Variants in YTHDF1 observed in about 807,000 individuals in gnomAD.
YTHDF1 encodes the protein YTH domain-containing family protein 1.
A neutral mutation model predicts 49.1 loss-of-function variants in YTHDF1; 16 were observed. The observed-to-expected ratio is 0.33, with a 90% CI of 0.22 to 0.49. The LOEUF is 0.49. YTHDF1 is among the 20% of genes least tolerant of loss of function. The pLI, the probability that YTHDF1 is intolerant of heterozygous loss-of-function variation, is 0.99. For synonymous variants in YTHDF1, 313 were observed against 290.1 expected, an observed-to-expected ratio of 1.08 and a Z score of -0.80; for missense variants, 621 against 744.3, an observed-to-expected ratio of 0.83 and a Z score of 1.93.
chr20:63,198,278 C>CA (rs766455995), intron 4 of YTHDF1, among the ~76,000 whole-genome samples: 1,450 of 121,784 alleles, frequency 0.012, 9 homozygotes, highest in Middle Eastern at 0.02. Context: ...ACTAAAAATA[C>CA]AAAAAAAAAA....
chr20:63,203,629 A>G lies in YTHDF1; in HGVS notation c.311T>C (p.Val104Ala). The G allele has an allele frequency of 6.2e-7, 1 of 1,614,092 alleles. No individual in the cohort carries two copies. Among genetic ancestry groups the G allele is most frequent in the Non-Finnish European group, 8.5e-7 (1 of 1,180,024 alleles). Residue 104 changes from valine (V) to alanine (A), a missense_variant, in exon 4 of 5, where the codon GTT becomes GCT. By Grantham distance (64) the Val-to-Ala change is moderately conservative. Coordinates refer to ENST00000370339, the MANE Select transcript of YTHDF1 (RefSeq NM_017798.4). The surrounding 1 kb of genome is among the most constrained non-coding windows in gnomAD (Gnocchi z 4.4). ...NGDHHFMHDA[V>A]FGQPGGLGNN... ...CCCCAGGCCCCCAGGCTGCCCAAAA[A>G]CAGCATCGTGCATAAAATGATGGTC...
chr20:63,196,772 CCA>C lies in YTHDF1; in HGVS notation c.1654-40_1654-39del, dbSNP rs764100436. ...AAAACAAAAGTTGAACGCAGAGTAA[CCA>C]CACCAATGAATCCCTCCCAAAAGTG... On this transcript the variant is annotated intron_variant, in intron 4 of 4. Coordinates refer to ENST00000370339, the MANE Select transcript of YTHDF1 (RefSeq NM_017798.4). 9.9e-6 allele frequency: 16 copies of C among 1,612,632 alleles called. No homozygotes were observed. The Admixed American group carries it at 2.7e-4, about 27-fold the overall frequency.
At chr20:63,211,960 TACACACACACACAC>T (rs57357558) in intron 3 of YTHDF1, among the ~76,000 whole-genome samples, 10,196 of 143,792 alleles carry the variant, frequency 0.071, 400 homozygotes, top group African/African-American at 0.074. Flanking sequence ...GTCTCCAAAA[TACACACACACACAC>T]ACACACACAC....
chr20:63,213,497 T>G (rs1472192338), intron 3 of YTHDF1, among the ~76,000 whole-genome samples: 1 of 152,192 alleles, frequency 6.6e-6, no homozygotes, highest in Admixed American at 6.5e-5. Context: ...AGCTCTTAGC[T>G]GCCTCCCCAG....
chr20:63,213,336 G>A (rs1261058597), intron 3 of YTHDF1, among the ~76,000 whole-genome samples: 1 of 152,208 alleles, frequency 6.6e-6, no homozygotes, highest in East Asian at 1.9e-4. Context: ...CGAGGCTGAG[G>A]CAGGAGGAAT....
At chr20:63,201,821 G>T (rs1218080926) in intron 4 of YTHDF1, among the ~76,000 whole-genome samples, 1 of 152,220 alleles carries the variant, frequency 6.6e-6, no homozygotes, top group Admixed American at 6.5e-5. Context: ...AGTGCCCTGG[G>T]AAGCAAGGGC....
In YTHDF1 at chr20:63,196,619, C is replaced by A; in HGVS notation, c.*89G>T. Reference sequence around the variant, plus strand: ...AAAGATGCAACACTCAACCCCCGCACGGGACGACACACTGGAGCTGACCAA... The same window carrying A: ...AAAGATGCAACACTCAACCCCCGCAAGGGACGACACACTGGAGCTGACCAA... On this transcript the variant is annotated 3_prime_UTR_variant, in exon 5 of 5. Transcript: ENST00000370339. The A allele has an allele frequency of 6.6e-7, 1 of 1,517,004 alleles. No homozygotes were observed. Among genetic ancestry groups the A allele is most frequent in the Admixed American group, 1.8e-5 (1 of 54,234 alleles). The allele number at this position is 1,517,004 out of a possible 1,614,324, so 94.0% of individuals were successfully genotyped here.
chr20:63,209,870 C>T (rs1460674966), intron 3 of YTHDF1, among the ~76,000 whole-genome samples: 1 of 152,198 alleles, frequency 6.6e-6, no homozygotes, highest in African/African-American at 2.4e-5. Context: ...CCTGTCACAC[C>T]AATTGCCTTC....
Position 63,216,018 on chromosome 20 carries a change from G to T in YTHDF1, c.-126C>A. The T allele has an allele frequency of 1.3e-6, 1 of 787,954 alleles. No individual in the cohort carries two copies. The highest frequency in any genetic ancestry group is 1.5e-6 in the Non-Finnish European group (1 of 647,518). The allele number at this position is 787,954 out of a possible 1,614,324, so 48.8% of individuals were successfully genotyped here. A position where few individuals can be genotyped will look rare whatever the true frequency, so the allele number is the denominator to read the frequency against. ...CGCCAATTCCCCGGGCGCCGGCCGGGCGGCGGCGGCGGCTGCTGGGCGCGC... is the reference window on the plus strand; with the variant it reads ...CGCCAATTCCCCGGGCGCCGGCCGGTCGGCGGCGGCGGCTGCTGGGCGCGC... On this transcript the variant is annotated 5_prime_UTR_variant, in exon 1 of 5. Coordinates refer to ENST00000370339, the MANE Select transcript of YTHDF1 (RefSeq NM_017798.4).
rs1601242994 is a variant in YTHDF1 at position 63,215,960 on chromosome 20, T to A, written c.-68A>T. 3 of 1,216,542 alleles carry A rather than the reference T, an allele frequency of 2.5e-6. No homozygotes were observed. 75.4% of individuals were successfully genotyped at this position (1,216,542 alleles called of 1,614,324 possible). On this transcript the variant is annotated 5_prime_UTR_variant, in exon 1 of 5. Transcript: ENST00000370339. ...TCGGGCCTCCCCTAGAGGCCGGGCCTGTCACCCTAGCTCGCGCGGCCCCGG... is the reference window on the plus strand; with the variant it reads ...TCGGGCCTCCCCTAGAGGCCGGGCCAGTCACCCTAGCTCGCGCGGCCCCGG...
At chr20:63,209,400 A>T (rs952084992) in intron 3 of YTHDF1, among the ~76,000 whole-genome samples, 3 of 152,152 alleles carry the variant, frequency 2.0e-5, no homozygotes, top group South Asian at 2.1e-4. Context: ...CTGTACAAAA[A>T]TTTTTTTTGT....
At chr20:63,211,650 C>G (rs2066574755) in intron 3 of YTHDF1, among the ~76,000 whole-genome samples, 1 of 152,002 alleles carries the variant, frequency 6.6e-6, no homozygotes, top group African/African-American at 2.4e-5. Flanking sequence ...CACAAAAGCT[C>G]CGACTTTATA....
At chr20:63,215,837 C>T in intron 1 of YTHDF1, 29 bp downstream of exon 1, 1 of 1,456,160 alleles carries the variant, frequency 6.9e-7, no homozygotes, top group South Asian at 1.3e-5. Context: ...TCGGCCCCGG[C>T]CGCGGCCCCT....
At chr20:63,213,968 TACCC>T (rs1289278228) in intron 2 of YTHDF1, 25 bp from the exon 3 acceptor site, 1 of 1,566,498 alleles carries the variant, frequency 6.4e-7, no homozygotes, top group African/African-American at 1.4e-5. Context: ...TGCAAAATAT[TACCC>T]TCAAATTTTA....
In YTHDF1 at chr20:63,213,970, C is replaced by T. The variant is rs766272258; in HGVS notation, c.53-27G>A. On this transcript the variant is annotated intron_variant, in intron 2 of 4. Transcript: ENST00000370339. ...TAGAACAAAAAGTTGCAAAATATTA[C>T]CCTCAAATTTTAAAAGATTACTTTT... The T allele has an allele frequency of 7.7e-6, 12 of 1,564,708 alleles. No individual in the cohort carries two copies. The East Asian group carries it at 2.1e-4, about 27-fold the overall frequency.
At chr20:63,201,542 A>C (rs1394308207) in intron 4 of YTHDF1, among the ~76,000 whole-genome samples, 1 of 152,210 alleles carries the variant, frequency 6.6e-6, no homozygotes, top group Non-Finnish European at 1.5e-5. Flanking sequence ...CAGACATCAC[A>C]TGACAGCACA....
At chr20:63,202,061 T>G (rs2122975718) in intron 4 of YTHDF1, among the ~76,000 whole-genome samples, 1 of 152,398 alleles carries the variant, frequency 6.6e-6, no homozygotes, top group Admixed American at 6.5e-5. Flanking sequence ...AGTCGTTCGG[T>G]GACATCTACC....
chr20:63,213,556 AAC>A (rs1414444554), intron 3 of YTHDF1, among the ~76,000 whole-genome samples: 3 of 152,106 alleles, frequency 2.0e-5, no homozygotes, highest in African/African-American at 4.8e-5. Context: ...AAGCTTCAGA[AAC>A]ACACACACAC....
chr20:63,213,566 C>T (rs1026926736), intron 3 of YTHDF1, among the ~76,000 whole-genome samples: 4 of 152,186 alleles, frequency 2.6e-5, no homozygotes, highest in Non-Finnish European at 5.9e-5. Context: ...AACACACACA[C>T]ACCTCCACTG....
Sources: gnomAD v4.1 joint callset for allele counts (sites outside exome capture counted in the v4.1 genomes callset) on GRCh38, gnomAD v4.1.1 for gene constraint, Gnocchi (gnomAD v3.1) non-coding constraint, MANE v1.5 for transcripts, NCBI Gene and HGNC (gene_info 2026-07-23, HGNC 2026-07-21) for gene names.